Variants in PCDH15 observed in about 807,000 individuals in gnomAD.
The protein encoded by PCDH15 is protocadherin-15.
A neutral mutation model predicts 178.5 loss-of-function variants in PCDH15; 129 were observed. That is an observed-to-expected ratio of 0.72 (90% CI 0.63 to 0.84). The LOEUF (loss-of-function observed/expected upper bound fraction) is 0.84, where lower values mean the gene tolerates loss of function less well. Among genes scored for constraint, PCDH15 ranks in the 40% least tolerant of loss-of-function variants. The probability of loss-of-function intolerance (pLI) is 0.00; values close to 1 mark genes in which losing one functional copy is unlikely to be tolerated. For synonymous variants in PCDH15, 800 were observed against 732.0 expected, an observed-to-expected ratio of 1.09 and a Z score of -1.50; for missense variants, 2,230 against 2,099.9, an observed-to-expected ratio of 1.06 and a Z score of -1.21.
At chr10:55,289,368 GAAAA>G (rs1274842491) in intron 1 of PCDH15, among the ~76,000 whole-genome samples, 1 of 150,230 alleles carries the variant, frequency 6.7e-6, no homozygotes, top group Non-Finnish European at 1.5e-5. Flanking sequence ...GGCAGGAAGG[GAAAA>G]AAGAAAGAAA....
chr10:54,687,347 C>A (rs2095031408), intron 1 of PCDH15, among the ~76,000 whole-genome samples: 1 of 152,082 alleles, frequency 6.6e-6, no homozygotes, highest in Non-Finnish European at 1.5e-5. Context: ...CAGATACAAT[C>A]ATATACTAGT....
intron 2 of PCDH15, among the ~76,000 whole-genome samples, chr10:54,534,879 A>G (rs2084310784): frequency 6.6e-6 from 1 of 152,190 alleles, no homozygotes; most frequent in East Asian, 1.9e-4. Context: ...TTACATTTTG[A>G]CTGCTTCATC....
intron 2 of PCDH15, among the ~76,000 whole-genome samples, chr10:54,899,567 G>T (rs957811636): frequency 4.7e-5 from 7 of 150,428 alleles, no homozygotes; most frequent in Admixed American, 2.7e-4. Flanking sequence ...TGCGATCTTG[G>T]CTCACTGTAA....
intron 3 of PCDH15, among the ~76,000 whole-genome samples, chr10:54,521,656 A>G (rs2082879746): frequency 6.6e-6 from 1 of 152,210 alleles, no homozygotes. Context: ...ACTTTCCAAT[A>G]GAAATCATCA....
At chr10:54,628,956 A>G (rs1032292762) in intron 2 of PCDH15, among the ~76,000 whole-genome samples, 4 of 152,156 alleles carry the variant, frequency 2.6e-5, no homozygotes, top group African/African-American at 9.7e-5. Flanking sequence ...ACTTTAAAAG[A>G]GAAGCTCAAA....
intron 5 of PCDH15, among the ~76,000 whole-genome samples, chr10:54,351,157 T>C (rs1211445694): frequency 1.3e-5 from 2 of 152,084 alleles, no homozygotes; most frequent in East Asian, 3.9e-4. Context: ...GTATATTATA[T>C]TCAGATCTTT....
At chr10:54,234,130 T>TTGTGTGTGTGTGTGTG (rs1491388308) in intron 9 of PCDH15, among the ~76,000 whole-genome samples, 14 of 103,196 alleles carry the variant, frequency 1.4e-4, no homozygotes, top group African/African-American at 5.6e-4. Flanking sequence ...GGATATCCCC[T>TTGTGTGTGTGTGTGTG]TCTGTGTGTG....
intron 5 of PCDH15, among the ~76,000 whole-genome samples, chr10:54,347,197 T>A (rs1459478349): frequency 1.3e-5 from 2 of 152,096 alleles, no homozygotes; most frequent in East Asian, 1.9e-4. Flanking sequence ...TACCTGTAGG[T>A]TTTTGCGCAA....
At chr10:55,228,256 T>G (rs1351412063) in intron 1 of PCDH15, among the ~76,000 whole-genome samples, 1 of 152,094 alleles carries the variant, frequency 6.6e-6, no homozygotes, top group Non-Finnish European at 1.5e-5. Context: ...TCTGCCTGTT[T>G]CAGGCCATTG....
chr10:53,928,784 A>G (rs1434950422), intron 25 of PCDH15, among the ~76,000 whole-genome samples: 4 of 152,044 alleles, frequency 2.6e-5, no homozygotes, highest in Non-Finnish European at 5.9e-5. Flanking sequence ...TCTGGAAAGC[A>G]TAAGTTTGCC....
intron 2 of PCDH15, among the ~76,000 whole-genome samples, chr10:55,576,700 T>C (rs183366995): frequency 1.3e-5 from 2 of 151,354 alleles, no homozygotes; most frequent in African/African-American, 2.4e-5. Context: ...TAAACTTTCA[T>C]TTATATACCA....
intron 1 of PCDH15, chr10:55,247,734 T>C (rs751234594): frequency 6.6e-6 from 1 of 151,866 alleles, no homozygotes; most frequent in Non-Finnish European, 1.5e-5. Flanking sequence ...CTGAGCAAGA[T>C]GGCAAAAGCT....
intron 11 of PCDH15, among the ~76,000 whole-genome samples, chr10:54,187,200 T>G (rs1244559521): frequency 6.6e-6 from 1 of 151,998 alleles, no homozygotes; most frequent in Non-Finnish European, 1.5e-5. Flanking sequence ...ACTTTGTTCC[T>G]TTTGTTCAAA....
At chr10:54,467,892 T>C (rs2077636610) in intron 3 of PCDH15, among the ~76,000 whole-genome samples, 1 of 151,850 alleles carries the variant, frequency 6.6e-6, no homozygotes, top group South Asian at 2.1e-4. Flanking sequence ...TAATTCAATA[T>C]TGGCAGATTA....
intron 2 of PCDH15, among the ~76,000 whole-genome samples, chr10:54,987,430 G>A (rs569480659): frequency 2.0e-5 from 3 of 152,146 alleles, no homozygotes; most frequent in Admixed American, 1.3e-4. Context: ...AGATCCTTGA[G>A]GAATCACCAC....
chr10:54,162,681 T>G (rs1229014646), intron 13 of PCDH15, among the ~76,000 whole-genome samples: 1 of 152,184 alleles, frequency 6.6e-6, no homozygotes, highest in Non-Finnish European at 1.5e-5. Flanking sequence ...AGAACTCTAC[T>G]GGGATCATTT....
intron 18 of PCDH15, among the ~76,000 whole-genome samples, chr10:54,035,974 C>T (rs1911393): frequency 0.6 from 91,296 of 151,742 alleles, 30,047 homozygotes; most frequent in Middle Eastern, 0.76. Flanking sequence ...TCAAACTAGC[C>T]ACAACATTCC....
At chr10:55,605,182 CA>C (rs1843185922) in intron 2 of PCDH15, among the ~76,000 whole-genome samples, 1 of 151,532 alleles carries the variant, frequency 6.6e-6, no homozygotes, top group African/African-American at 2.4e-5. Context: ...TACACTCTCC[CA>C]AGACTAAACC....
Position 54,305,368 on chromosome 10 carries a change from T to C in PCDH15, c.876+11903A>G, listed in dbSNP as rs959720892. 1.8e-4 allele frequency among the ~76,000 whole-genome samples: 27 copies of C among 152,012 alleles called. 1 individual carries two copies. Among genetic ancestry groups the C allele is most frequent in the Non-Finnish European group, 3.7e-4 (25 of 67,930 alleles). ...AGTGAAGCACTTTTTAAAAAAGTAA[T>C]ACTGTACACAGAATTCCAAAATATA... On this transcript the variant is annotated intron_variant, in intron 8 of 37. Transcript: ENST00000644397.
Sources: allele counts gnomAD v4.1 joint callset (sites outside exome capture counted in the v4.1 genomes callset), GRCh38; gene constraint gnomAD v4.1.1; transcripts MANE v1.5; gene names NCBI Gene and HGNC (gene_info 2026-07-23, HGNC 2026-07-21).